AOPEP: variants seen among roughly 807,000 people sequenced by gnomAD.
The protein encoded by AOPEP is aminopeptidase O.
In AOPEP, 77 loss-of-function variants were observed where a neutral mutation model predicts 98.1. That is an observed-to-expected ratio of 0.78 (90% confidence interval 0.65 to 0.95). The LOEUF is 0.95. Among genes scored for constraint, AOPEP ranks in the 40% least tolerant of loss-of-function variants. The pLI is 0.00. For missense variants in AOPEP, 1,024 were observed against 1,024.7 expected (o/e 1.00, Z 0.01); for synonymous variants, 346 against 365.3 (o/e 0.95, Z 0.60).
intron 1 of AOPEP, among the ~76,000 whole-genome samples, chr9:94,740,970 C>T (rs1040248030): frequency 3.9e-5 from 6 of 152,140 alleles, no homozygotes; most frequent in African/African-American, 1.4e-4. Context: ...TGTTATAGGG[C>T]TGGTGAGGAA....
chr9:94,838,092 C>G (rs1246186324), intron 5 of AOPEP, among the ~76,000 whole-genome samples: 2 of 151,976 alleles, frequency 1.3e-5, no homozygotes, highest in East Asian at 3.9e-4. Flanking sequence ...CACTGCAAGC[C>G]CCGCCTCCTG....
At chr9:94,825,591 T>G (rs1854331003) in intron 5 of AOPEP, among the ~76,000 whole-genome samples, 1 of 152,268 alleles carries the variant, frequency 6.6e-6, no homozygotes, top group Non-Finnish European at 1.5e-5. Context: ...AAGCTCAGTT[T>G]TAAGGTTTTC....
At chr9:95,133,057 G>C in the AOPEP span, among the ~76,000 whole-genome samples, 1 of 152,230 alleles carries the variant, frequency 6.6e-6, no homozygotes, top group Non-Finnish European at 1.5e-5. Context: ...CTGAGTCTTA[G>C]AGATCTCTCT....
the AOPEP span, among the ~76,000 whole-genome samples, chr9:95,136,712 G>C: frequency 6.6e-6 from 1 of 152,102 alleles, no homozygotes. Flanking sequence ...TTGAACTCCT[G>C]GCCTCAAACA....
chr9:95,086,962 T>C lies in AOPEP; in HGVS notation c.*285T>C. ...TTTTGAGTTCTTCTGCAGAGATGATTAAATATATCCAAGAGACATTGGAAA... is the reference window on the plus strand; with the variant it reads ...TTTTGAGTTCTTCTGCAGAGATGATCAAATATATCCAAGAGACATTGGAAA... On this transcript the variant is annotated 3_prime_UTR_variant, in exon 17 of 17. Transcript: ENST00000375315. 1.0e-5 allele frequency: 10 copies of C among 987,292 alleles called. No individual in the cohort carries two copies. Among genetic ancestry groups the C allele is most frequent in the Non-Finnish European group, 1.2e-5 (10 of 829,766 alleles). 61.2% of individuals were successfully genotyped at this position (987,292 alleles called of 1,614,324 possible). A position where few individuals can be genotyped will look rare whatever the true frequency, so the allele number is the denominator to read the frequency against.
At position 94,899,179 on chromosome 9, in the gene AOPEP, C is replaced by CTTTTTTTTTTTTT. The variant is rs1164742981; in HGVS notation, c.1365-24796_1365-24784dup. 4.4e-4 allele frequency among the ~76,000 whole-genome samples: 26 copies of CTTTTTTTTTTTTT among 59,746 alleles called. 2 individuals are homozygous for CTTTTTTTTTTTTT. Among genetic ancestry groups the CTTTTTTTTTTTTT allele is most frequent in the South Asian group, 1.6e-3 (2 of 1,232 alleles). The allele number at this position is 59,746 out of a possible 152,430, so 39.2% of individuals were successfully genotyped here. A position where few individuals can be genotyped will look rare whatever the true frequency, so the allele number is the denominator to read the frequency against. On this transcript the variant is annotated intron_variant, in intron 5 of 16. Coordinates refer to ENST00000375315, the MANE Select transcript of AOPEP (RefSeq NM_001193329.3). The stretch of plus-strand genomic sequence containing the variant: ...GGAAGATAATTTGCCTCTTCATTTG[C>CTTTTTTTTTTTTT]TTTTTTTTTTTTTTTTTTTTTTTGA...
chr9:94,762,608 T>C (rs1486996209), intron 2 of AOPEP, among the ~76,000 whole-genome samples: 1 of 152,198 alleles, frequency 6.6e-6, no homozygotes, highest in African/African-American at 2.4e-5. Context: ...GGAATATGTG[T>C]TAGTATATTA....
At chr9:94,860,899 C>G (rs535425921) in intron 5 of AOPEP, among the ~76,000 whole-genome samples, 1 of 152,174 alleles carries the variant, frequency 6.6e-6, no homozygotes, top group African/African-American at 2.4e-5. Flanking sequence ...ACCGTTGAGT[C>G]AGGAGACTTG....
intron 7 of AOPEP, among the ~76,000 whole-genome samples, chr9:94,951,005 A>G (rs973770298): frequency 6.6e-6 from 1 of 152,168 alleles, no homozygotes; most frequent in Non-Finnish European, 1.5e-5. Context: ...TTAAATATCC[A>G]CATTGCCTCT....
intron 15 of AOPEP, among the ~76,000 whole-genome samples, 162 bp from the exon 16 acceptor site, chr9:95,082,413 C>T (rs1290408688): frequency 6.6e-6 from 1 of 152,194 alleles, no homozygotes; most frequent in Non-Finnish European, 1.5e-5. Context: ...CAGACTGCAG[C>T]TTCCAAAAGC....
chr9:94,773,291 G>GTA, intron 3 of AOPEP, 123 bp downstream of exon 3: 2 of 848,970 alleles, frequency 2.4e-6, no homozygotes, highest in South Asian at 4.8e-5. Context: ...AATGATCATA[G>GTA]TATAAAACAT....
At chr9:94,957,110 T>C (rs907945686) in intron 9 of AOPEP, among the ~76,000 whole-genome samples, 1 of 152,222 alleles carries the variant, frequency 6.6e-6, no homozygotes, top group African/African-American at 2.4e-5. Flanking sequence ...GTGCATTGTA[T>C]TTACCATGAC....
chr9:94,853,416 C>T (rs908963983), intron 5 of AOPEP, among the ~76,000 whole-genome samples: 6 of 151,864 alleles, frequency 4.0e-5, no homozygotes, highest in Non-Finnish European at 8.8e-5. Context: ...GTTGAGATTG[C>T]GCCACTGCAC....
chr9:94,800,191 G>T (rs1383585951), intron 4 of AOPEP, among the ~76,000 whole-genome samples: 1 of 152,244 alleles, frequency 6.6e-6, no homozygotes, highest in Non-Finnish European at 1.5e-5. Context: ...TTGATGGGCT[G>T]TGTAAAGAAC....
the AOPEP span, chr9:95,126,398 G>A: frequency 5.6e-6 from 5 of 893,890 alleles, no homozygotes; most frequent in Admixed American, 2.1e-5. Flanking sequence ...AAAGCTCAGA[G>A]GAACAGGAGG....
At chr9:94,922,043 G>T (rs1277761078) in intron 5 of AOPEP, among the ~76,000 whole-genome samples, 2 of 152,120 alleles carry the variant, frequency 1.3e-5, no homozygotes, top group African/African-American at 4.8e-5. Context: ...ATTGAAGGGT[G>T]GGGAGGGAAG....
chr9:94,936,662 A>C (rs147265526), intron 7 of AOPEP, among the ~76,000 whole-genome samples: 1 of 152,170 alleles, frequency 6.6e-6, no homozygotes, highest in Non-Finnish European at 1.5e-5. Context: ...ATTCAGTTTA[A>C]TTCTGACACT....
At chr9:94,898,739 C>T (rs1425033808) in intron 5 of AOPEP, among the ~76,000 whole-genome samples, 2 of 151,104 alleles carry the variant, frequency 1.3e-5, no homozygotes, top group South Asian at 4.2e-4. Flanking sequence ...GTCAGGAGAT[C>T]GAGACCATCC....
chr9:94,809,869 C>G (rs1850094641), intron 5 of AOPEP: 1 of 155,050 alleles, frequency 6.4e-6, no homozygotes, highest in Non-Finnish European at 1.5e-5. Context: ...CCTGGGCTCC[C>G]TTCAGCTGCC....
Sources: allele counts gnomAD v4.1 joint callset (sites outside exome capture counted in the v4.1 genomes callset), GRCh38; gene constraint gnomAD v4.1.1; transcripts MANE v1.5; gene names NCBI Gene and HGNC (gene_info 2026-07-23, HGNC 2026-07-21).